Variants in PRORP observed in about 807,000 individuals in gnomAD.
The protein encoded by PRORP is protein only RNase P catalytic subunit, also known as mitochondrial ribonuclease P catalytic subunit.
PRORP carries 51 observed loss-of-function variants against 59.4 expected under a neutral mutation model. The ratio of observed to expected loss-of-function variants is 0.86; its 90% CI spans 0.69 to 1.08. PRORP has a LOEUF of 1.08. Among genes scored for constraint, PRORP ranks in the 50% least tolerant of loss-of-function variants. The pLI, the probability that PRORP is intolerant of heterozygous loss-of-function variation, is 0.00. For missense variants in PRORP, 646 were observed against 690.3 expected, an observed-to-expected ratio of 0.94 and a Z score of 0.72; for synonymous variants, 231 against 245.6, an observed-to-expected ratio of 0.94 and a Z score of 0.55.
intron 5 of PRORP, among the ~76,000 whole-genome samples, chr14:35,206,838 A>G (rs1183135539): frequency 2.6e-5 from 4 of 152,220 alleles, no homozygotes; most frequent in Non-Finnish European, 5.9e-5. Context: ...CCATTTCCAT[A>G]TTAAGATGCA....
At chr14:35,147,730 T>C (rs905715690) in intron 4 of PRORP, among the ~76,000 whole-genome samples, 2 of 152,254 alleles carry the variant, frequency 1.3e-5, no homozygotes, top group Non-Finnish European at 2.9e-5. Flanking sequence ...GCAGTGCTTT[T>C]TGAAAGCATT....
At chr14:35,151,524 ATCCTTGATTCCCCTCTT>A (rs1457727113) in intron 4 of PRORP, among the ~76,000 whole-genome samples, 1 of 151,928 alleles carries the variant, frequency 6.6e-6, no homozygotes, top group Non-Finnish European at 1.5e-5. Flanking sequence ...GGTCAGAATC[ATCCTTGATTCCCCTCTT>A]TCCTTCATAT....
At chr14:35,217,254 A>G (rs1228344639) in intron 5 of PRORP, among the ~76,000 whole-genome samples, 3 of 152,084 alleles carry the variant, frequency 2.0e-5, no homozygotes, top group African/African-American at 7.2e-5. Flanking sequence ...TAATCCCAGC[A>G]CTTTGGGAGG....
At chr14:35,204,794 C>G (rs1257434934) in intron 5 of PRORP, among the ~76,000 whole-genome samples, 2 of 152,164 alleles carry the variant, frequency 1.3e-5, no homozygotes, top group African/African-American at 4.8e-5. Flanking sequence ...TCCAGTTGTT[C>G]AGAAATATTA....
At chr14:35,122,204 G>A (rs1566434576), upstream of PRORP, 1 of 526,818 alleles carries the variant, frequency 1.9e-6, no homozygotes, top group Middle Eastern at 4.7e-4. Context: ...TTCTCCTTCA[G>A]AGGCGACCCA....
intron 5 of PRORP, among the ~76,000 whole-genome samples, chr14:35,216,132 ATATAT>A (rs1392337060): frequency 5.4e-5 from 8 of 147,608 alleles, no homozygotes; most frequent in African/African-American, 2.0e-4. Flanking sequence ...ATAATATATA[ATATAT>A]TTATATAATA....
At chr14:35,257,367 C>T (rs1259567097) in intron 5 of PRORP, among the ~76,000 whole-genome samples, 1 of 152,158 alleles carries the variant, frequency 6.6e-6, no homozygotes, top group Non-Finnish European at 1.5e-5. Context: ...TCATTCTCCT[C>T]TCCCTGCTGC....
chr14:35,129,588 C>T (rs912901184), intron 4 of PRORP, among the ~76,000 whole-genome samples: 1 of 151,770 alleles, frequency 6.6e-6, no homozygotes, highest in African/African-American at 2.4e-5. Flanking sequence ...GATTCTCCTG[C>T]CTCAGCCTCT....
intron 5 of PRORP, among the ~76,000 whole-genome samples, chr14:35,188,961 A>AG (rs59671236): frequency 1.5e-5 from 2 of 132,758 alleles, no homozygotes; most frequent in African/African-American, 2.8e-5. Context: ...AAAAAAAAAA[A>AG]AAAGTATTGC....
At chr14:35,245,540 G>A (rs1249660934) in intron 5 of PRORP, among the ~76,000 whole-genome samples, 2 of 152,146 alleles carry the variant, frequency 1.3e-5, no homozygotes, top group African/African-American at 4.8e-5. Context: ...AGCTACTTGG[G>A]GGGCTGAGGA....
Position 35,123,575 on chromosome 14 carries a change from C to G in PRORP, c.330C>G (p.Asn110Lys), listed in dbSNP as rs746513900. Residue 110 changes from asparagine to lysine, a missense_variant, in exon 2 of 8, where the codon AAC (asparagine) becomes AAG (lysine). Physicochemically the swap from Asn to Lys is moderately conservative, Grantham distance 94. Transcript: ENST00000534898. Reference protein sequence around the residue: ...TEDHALAPVRNTIQLPTQPLN... With the variant: ...TEDHALAPVRKTIQLPTQPLN... Reference sequence around the variant, plus strand: ...ATCATGCCTTGGCACCTGTGAGGAACACTATTCAACTCCCAACACAACCTT... The same window carrying G: ...ATCATGCCTTGGCACCTGTGAGGAAGACTATTCAACTCCCAACACAACCTT... The G allele has an allele frequency of 3.7e-6, 6 of 1,614,154 alleles. No homozygotes were observed. In the Admixed American group the frequency reaches 8.3e-5, roughly 22 times the overall value.
intron 5 of PRORP, among the ~76,000 whole-genome samples, chr14:35,225,130 T>G (rs1210594938): frequency 2.6e-5 from 4 of 152,188 alleles, no homozygotes; most frequent in African/African-American, 9.6e-5. Context: ...GTATTAATCT[T>G]TATTGTTTCA....
Position 35,276,721 on chromosome 14 carries a change from C to G in PRORP, c.*3155C>G, listed in dbSNP as rs762386519. 6.6e-4 allele frequency: 101 copies of G among 152,116 alleles called. 1 individual carries two copies. The highest frequency in any genetic ancestry group is 2.1e-4 in the Non-Finnish European group (14 of 68,026). 9.4% of individuals were successfully genotyped at this position (152,116 alleles called of 1,614,324 possible). A position where few individuals can be genotyped will look rare whatever the true frequency, so the allele number is the denominator to read the frequency against. On this transcript the variant is annotated 3_prime_UTR_variant, in exon 8 of 8. Coordinates refer to ENST00000534898, the MANE Select transcript of PRORP (RefSeq NM_014672.4). ...AGCTGTACTCTTAAATTGTTAGTAT[C>G]TTTAAAATCAGTTGTGAACAATGAA...
intron 5 of PRORP, among the ~76,000 whole-genome samples, chr14:35,240,970 A>T (rs960822760): frequency 5.3e-5 from 8 of 152,198 alleles, no homozygotes; most frequent in Non-Finnish European, 2.9e-5. Context: ...TGTACTAAAC[A>T]TGTACAGACT....
At chr14:35,146,141 C>T (rs988629630) in intron 4 of PRORP, among the ~76,000 whole-genome samples, 2 of 152,072 alleles carry the variant, frequency 1.3e-5, no homozygotes, top group Non-Finnish European at 2.9e-5. Context: ...CCATTTTGAA[C>T]TTTTAATGAA....
chr14:35,249,817 T>G (rs904304359), intron 5 of PRORP, among the ~76,000 whole-genome samples: 32 of 152,202 alleles, frequency 2.1e-4, no homozygotes, highest in African/African-American at 7.7e-4. Flanking sequence ...TTAAATATCA[T>G]CATACATTTA....
intron 7 of PRORP, among the ~76,000 whole-genome samples, chr14:35,271,156 C>CTT (rs762721923): frequency 0.049 from 5,663 of 114,572 alleles, 352 homozygotes; most frequent in Non-Finnish European, 0.08. Flanking sequence ...ATTATGACTT[C>CTT]TTTTTTTTTT....
intron 5 of PRORP, among the ~76,000 whole-genome samples, chr14:35,218,413 C>T (rs1467917805): frequency 8.6e-6 from 1 of 115,936 alleles, no homozygotes; most frequent in Non-Finnish European, 1.6e-5. Context: ...GTAAGCTGTT[C>T]TTGTGCCACT....
At chr14:35,225,445 C>T (rs1030546846) in intron 5 of PRORP, among the ~76,000 whole-genome samples, 2 of 151,944 alleles carry the variant, frequency 1.3e-5, no homozygotes, top group Non-Finnish European at 2.9e-5. Context: ...CTCCCAGGTT[C>T]AAGCGATTCT....
Sources: gnomAD v4.1 joint callset for allele counts (sites outside exome capture counted in the v4.1 genomes callset) on GRCh38, gnomAD v4.1.1 for gene constraint, MANE v1.5 for transcripts, NCBI Gene and HGNC (gene_info 2026-07-23, HGNC 2026-07-21) for gene names.